CDH13: variants seen among roughly 807,000 people sequenced by gnomAD.
CDH13 encodes the protein cadherin-13.
CDH13 carries 24 observed loss-of-function variants against 63.8 expected under a neutral mutation model. The ratio of observed to expected loss-of-function variants is 0.38; its 90% CI spans 0.27 to 0.53. The LOEUF is 0.53. CDH13 is among the 20% of genes least tolerant of loss of function. The pLI is 0.85. For synonymous variants in CDH13, 503 were observed against 355.3 expected, an observed-to-expected ratio of 1.42 and a Z score of -4.67; for missense variants, 1,049 against 903.1, an observed-to-expected ratio of 1.16 and a Z score of -2.07.
At chr16:83,219,921 A>G (rs1239500209) in intron 5 of CDH13, among the ~76,000 whole-genome samples, 1 of 152,162 alleles carries the variant, frequency 6.6e-6, no homozygotes, top group Non-Finnish European at 1.5e-5. Context: ...TGTAGGTGAC[A>G]TGGCAGGAAG....
At chr16:83,556,428 C>G (rs1038666288) in intron 7 of CDH13, among the ~76,000 whole-genome samples, 5 of 152,144 alleles carry the variant, frequency 3.3e-5, no homozygotes, top group Non-Finnish European at 5.9e-5. Context: ...ATGCACCAAG[C>G]AGGATGCAAA....
intron 3 of CDH13, among the ~76,000 whole-genome samples, chr16:83,069,380 AC>A (rs1014977261): frequency 1.3e-5 from 2 of 152,132 alleles, no homozygotes; most frequent in Non-Finnish European, 2.9e-5. Context: ...TTTTTGCAAT[AC>A]CGTTTTCTTT....
chr16:83,766,919 C>G (rs766425534), intron 11 of CDH13, among the ~76,000 whole-genome samples: 1 of 152,238 alleles, frequency 6.6e-6, no homozygotes, highest in African/African-American at 2.4e-5. Context: ...TGTGCTGCCA[C>G]CCTGTGAAGA....
intron 3 of CDH13, among the ~76,000 whole-genome samples, chr16:83,069,909 G>A (rs551408515): frequency 6.6e-6 from 1 of 152,284 alleles, no homozygotes; most frequent in African/African-American, 2.4e-5. Context: ...TAGAAATGCA[G>A]ACAGAAATCG....
intron 1 of CDH13, among the ~76,000 whole-genome samples, chr16:82,853,467 C>G (rs1018635526): frequency 6.6e-6 from 1 of 152,138 alleles, no homozygotes; most frequent in African/African-American, 2.4e-5. Context: ...CTACTTAAGG[C>G]TCTTTACAAT....
At chr16:83,081,736 T>A (rs1007356833) in intron 3 of CDH13, among the ~76,000 whole-genome samples, 5 of 151,516 alleles carry the variant, frequency 3.3e-5, no homozygotes, top group Admixed American at 6.6e-5. Context: ...CTCGCAAGGA[T>A]CATCTCCTTA....
intron 7 of CDH13, among the ~76,000 whole-genome samples, chr16:83,571,410 A>G (rs1260177160): frequency 6.6e-6 from 1 of 151,638 alleles, no homozygotes; most frequent in Non-Finnish European, 1.5e-5. Context: ...TCTTTAAAAG[A>G]AAAAAAAACT....
intron 3 of CDH13, among the ~76,000 whole-genome samples, chr16:83,083,343 G>A (rs189006757): frequency 2.0e-5 from 3 of 152,308 alleles, no homozygotes; most frequent in African/African-American, 7.2e-5. Context: ...TATAAACAAG[G>A]CTGTGATGAA....
intron 1 of CDH13, among the ~76,000 whole-genome samples, chr16:82,782,870 G>T (rs16958619): frequency 0.16 from 24,265 of 152,058 alleles, 2,403 homozygotes; most frequent in East Asian, 0.51. Flanking sequence ...CCTGGGCGAG[G>T]TCTTTATGAC....
At chr16:83,340,921 CA>C (rs2090707985) in intron 5 of CDH13, among the ~76,000 whole-genome samples, 1 of 152,088 alleles carries the variant, frequency 6.6e-6, no homozygotes, top group Non-Finnish European at 1.5e-5. Flanking sequence ...GCAGGTCAAC[CA>C]TTGAATCTAA....
intron 1 of CDH13, among the ~76,000 whole-genome samples, chr16:82,635,173 A>G (rs1264794144): frequency 6.6e-6 from 1 of 152,180 alleles, no homozygotes. Flanking sequence ...GTTCATTTCT[A>G]TACTCCCAGG....
intron 8 of CDH13, among the ~76,000 whole-genome samples, chr16:83,643,513 A>G (rs893387232): frequency 3.9e-5 from 6 of 152,142 alleles, no homozygotes; most frequent in Admixed American, 6.5e-5. Flanking sequence ...TTTGGTGAGG[A>G]TCAAATGATA....
intron 10 of CDH13, chr16:83,725,597 A>C (rs539933075): frequency 6.6e-6 from 1 of 152,392 alleles, no homozygotes; most frequent in African/African-American, 2.4e-5. Flanking sequence ...ACCTAAGACA[A>C]AGGCAGTCGT....
At chr16:83,015,325 C>T (rs1037659087) in intron 2 of CDH13, among the ~76,000 whole-genome samples, 1 of 151,636 alleles carries the variant, frequency 6.6e-6, no homozygotes, top group Admixed American at 6.6e-5. Flanking sequence ...ACCCTTAATT[C>T]TAAAGGGCGC....
chr16:83,748,191 G>T lies in CDH13; in HGVS notation c.1622G>T (p.Arg541Leu). 3.7e-6 allele frequency: 6 copies of T among 1,613,730 alleles called. No individual in the cohort carries two copies. Among genetic ancestry groups the T allele is most frequent in the Non-Finnish European group, 5.1e-6 (6 of 1,179,688 alleles). Reference sequence around the variant, plus strand: ...GTTGACACCACAGCTGTGCTGGACCGTGAGTCCCCATTTGTCGACAACAGC... The same window carrying T: ...GTTGACACCACAGCTGTGCTGGACCTTGAGTCCCCATTTGTCGACAACAGC... ...GTVDTTAVLD[R>L]ESPFVDNSVY... The change falls in exon 11 of 14, where the codon CGT becomes CTT. Residue 541 changes from arginine to leucine, a missense_variant. Coordinates refer to ENST00000567109, the MANE Select transcript of CDH13 (RefSeq NM_001257.5).
chr16:83,607,785 C>G (rs1474211554), intron 8 of CDH13, among the ~76,000 whole-genome samples: 3 of 152,144 alleles, frequency 2.0e-5, no homozygotes, highest in African/African-American at 7.2e-5. Flanking sequence ...TTTTGAACTT[C>G]TTACATAAGG....
chr16:83,356,561 A>G (rs2091061482), intron 6 of CDH13, among the ~76,000 whole-genome samples: 1 of 152,190 alleles, frequency 6.6e-6, no homozygotes, highest in Non-Finnish European at 1.5e-5. Flanking sequence ...ATCCCTTCTG[A>G]GAACGCAGTC....
intron 4 of CDH13, among the ~76,000 whole-genome samples, chr16:83,214,372 G>C (rs1245224095): frequency 6.6e-6 from 1 of 151,840 alleles, no homozygotes; most frequent in Admixed American, 6.6e-5. Flanking sequence ...ATCAGGTAAG[G>C]AGTTCGAGAT....
chr16:82,890,981 T>C (rs932684542), intron 2 of CDH13, among the ~76,000 whole-genome samples: 1 of 151,090 alleles, frequency 6.6e-6, no homozygotes, highest in Non-Finnish European at 1.5e-5. Flanking sequence ...ACTTGGAGGG[T>C]AGGCACTTGA....
Sources: gnomAD v4.1 joint callset for allele counts (sites outside exome capture counted in the v4.1 genomes callset) on GRCh38, gnomAD v4.1.1 for gene constraint, MANE v1.5 for transcripts, NCBI Gene and HGNC (gene_info 2026-07-23, HGNC 2026-07-21) for gene names.